Variants in SLC23A1 observed in about 807,000 individuals in gnomAD.
SLC23A1 encodes solute carrier family 23 member 1, also known as Na(+)/L-ascorbic acid transporter 1.
A neutral mutation model predicts 62.5 loss-of-function variants in SLC23A1; 31 were observed. That is an observed-to-expected ratio of 0.50 (90% CI 0.37 to 0.67). The LOEUF is 0.67. Among genes scored for constraint, SLC23A1 ranks in the 30% least tolerant of loss-of-function variants. The pLI is 0.00. For synonymous variants in SLC23A1, 271 were observed against 313.2 expected (o/e 0.87, Z 1.42); for missense variants, 640 against 782.7 (o/e 0.82, Z 2.18).
chr5:139,381,824 C>T (rs1758277056), intron 3 of SLC23A1, 68 bp downstream of exon 3: 2 of 1,339,506 alleles, frequency 1.5e-6, no homozygotes, highest in Non-Finnish European at 2.1e-6. Context: ...TGGGAGCCCA[C>T]CTGCTCCTGC....
At chr5:139,374,542 A>G (rs2152066310) in intron 13 of SLC23A1, among the ~76,000 whole-genome samples, 1 of 152,352 alleles carries the variant, frequency 6.6e-6, no homozygotes, top group South Asian at 2.1e-4. Context: ...GGTTAAGGAC[A>G]GGGTTTTGAG....
chr5:139,381,614 C>CAAAA (rs904456829), intron 3 of SLC23A1, among the ~76,000 whole-genome samples: 8 of 55,712 alleles, frequency 1.4e-4, no homozygotes, highest in African/African-American at 4.6e-4. Context: ...ACTCCGTCTC[C>CAAAA]AAAAAAAAAA....
At chr5:139,376,354 G>C (rs1757946273) in intron 13 of SLC23A1, among the ~76,000 whole-genome samples, 1 of 151,966 alleles carries the variant, frequency 6.6e-6, no homozygotes, top group South Asian at 2.1e-4. Flanking sequence ...ATTTTTAGTA[G>C]AGATGGGGTT....
chr5:139,369,745 A>C (rs979482177), intron 14 of SLC23A1: 1 of 152,460 alleles, frequency 6.6e-6, no homozygotes, highest in African/African-American at 2.4e-5. Context: ...TTGGTGCTGG[A>C]ATGTACTGTA....
chr5:139,379,790 C>CAGGACA lies in SLC23A1; in HGVS notation c.807_812dup (p.Val270_Leu271dup), dbSNP rs1344162004. 6.2e-7 allele frequency: 1 copy of CAGGACA among 1,614,048 alleles called. No individual in the cohort carries two copies. Among genetic ancestry groups the CAGGACA allele is most frequent in the Non-Finnish European group, 8.5e-7 (1 of 1,180,012 alleles). ...CTGTGGGCAGCACGTCTGTCAAGGTCAGGACATAGCAGAGCAGCCACACGG... is the reference window on the plus strand; with the variant it reads ...CTGTGGGCAGCACGTCTGTCAAGGTCAGGACAAGGACATAGCAGAGCAGCCACACGG... On this transcript the variant is annotated inframe_insertion, in exon 8 of 15. Transcript: ENST00000348729. The surrounding 1 kb of genome is among the most constrained non-coding windows in gnomAD (Gnocchi z 4.7).
intron 14 of SLC23A1, chr5:139,368,866 T>C (rs1757471744): frequency 1.7e-6 from 2 of 1,165,682 alleles, no homozygotes; most frequent in Non-Finnish European, 2.6e-6. Context: ...TTAGAAGACT[T>C]AATTGTAAAA....
At chr5:139,384,314 C>T, upstream of SLC23A1, 1 of 1,221,020 alleles carries the variant, frequency 8.2e-7, no homozygotes, top group Non-Finnish European at 1.1e-6. Context: ...CCATTCTGTT[C>T]CCCTCTGGGC....
chr5:139,372,028 G>T lies in SLC23A1; in HGVS notation c.1775C>A (p.Ala592Glu), dbSNP rs1757697334. The T allele has an allele frequency of 1.2e-6, 2 of 1,613,570 alleles. No homozygotes were observed. The highest frequency in any genetic ancestry group is 1.7e-6 in the Non-Finnish European group (2 of 1,179,472). The stretch of plus-strand genomic sequence containing the variant: ...TTTTCAGACCTTGGTGCACACAGAT[G>T]CAGTTTCTGTATTTTCTGGAGTGTC... Reference protein sequence around the residue: ...PEDTPENTETASVCTKV With the variant: ...PEDTPENTETESVCTKV The change falls in exon 14 of 15, where the codon GCA becomes GAA. Residue 592 changes from alanine (A) to glutamate (E), a missense_variant. By Grantham distance (107) the Ala-to-Glu change is moderately radical. Transcript: ENST00000348729.
In SLC23A1 at chr5:139,379,381, G is replaced by C. The variant is rs1200829701; in HGVS notation, c.926-27C>G. ...TGTGCTCGGAGGGAGACAGGATGGT[G>C]GCTACAGTGAGGAGACTGTGATGGT... On this transcript the variant is annotated intron_variant, in intron 8 of 14. Transcript: ENST00000348729. The surrounding 1 kb of genome is among the most constrained non-coding windows in gnomAD (Gnocchi z 4.7). 1.9e-6 allele frequency: 3 copies of C among 1,612,024 alleles called. No individual in the cohort carries two copies. The highest frequency in any genetic ancestry group is 2.5e-6 in the Non-Finnish European group (3 of 1,178,208).
At position 139,378,467 on chromosome 5, in the gene SLC23A1, G is replaced by C. The variant is rs1581368009; in HGVS notation, c.1179+112C>G. On this transcript the variant is annotated intron_variant, in intron 10 of 14. Transcript: ENST00000348729. The surrounding 1 kb of genome is among the most constrained non-coding windows in gnomAD (Gnocchi z 4.5). ...TAAACCGGCTGGGGCTTGATGCGGG[G>C]GCGAGGCCTCTCAAAGACAGGGTGG... The C allele has an allele frequency of 6.9e-7, 1 of 1,448,822 alleles. No homozygotes were observed. The highest frequency in any genetic ancestry group is 2.5e-5 in the East Asian group (1 of 40,342). 89.7% of individuals were successfully genotyped at this position (1,448,822 alleles called of 1,614,324 possible). A position where few individuals can be genotyped will look rare whatever the true frequency, so the allele number is the denominator to read the frequency against.
Position 139,380,078 on chromosome 5 carries a change from T to TG in SLC23A1, c.648-3dup, listed in dbSNP as rs1404621913. 3 of 1,607,248 alleles carry TG rather than the reference T, an allele frequency of 1.9e-6. No individual in the cohort carries two copies. The highest frequency in any genetic ancestry group is 1.7e-5 in the Admixed American group (1 of 58,566). On this transcript the variant is annotated splice_region_variant and splice_polypyrimidine_tract_variant and intron_variant, in intron 6 of 14. Coordinates refer to ENST00000348729, the MANE Select transcript of SLC23A1 (RefSeq NM_005847.5). ...AAGAGGATGATCAGGAGAATGGAGC[T>TG]GGGGGCAGAGGCACAATCAGGAAGT...
chr5:139,382,704 G>A, intron 1 of SLC23A1, 99 bp from the exon 2 acceptor site: 1 of 760,610 alleles, frequency 1.3e-6, no homozygotes, highest in South Asian at 1.5e-5. Context: ...TGGCTTGTCA[G>A]CAACTGAGAG....
rs750940782 is a variant in SLC23A1 at position 139,379,704 on chromosome 5, G to A, written c.899C>T (p.Ala300Val). ...GGGGTAGGGGATGCGGATCCAGGGTGCAATAGCCATGATGTCACCACGGGC... is the reference window on the plus strand; with the variant it reads ...GGGGTAGGGGATGCGGATCCAGGGTACAATAGCCATGATGTCACCACGGGC... ...TDARGDIMAI[A>V]PWIRIPYPCQ... Residue 300 changes from alanine to valine, a missense_variant, in exon 8 of 15, where the codon GCA becomes GTA. Physicochemically the swap from Ala to Val is moderately conservative, Grantham distance 64 (BLOSUM62 0). Coordinates refer to ENST00000348729, the MANE Select transcript of SLC23A1 (RefSeq NM_005847.5). The surrounding 1 kb of genome is among the most constrained non-coding windows in gnomAD (Gnocchi z 4.7). 3.1e-6 allele frequency: 5 copies of A among 1,613,942 alleles called. No individual in the cohort carries two copies. In the South Asian group the frequency reaches 4.4e-5, roughly 14 times the overall value.
chr5:139,379,465 G>T lies in SLC23A1; in HGVS notation c.926-111C>A. The stretch of plus-strand genomic sequence containing the variant: ...GAGCAGATCAGGAGACCTCAGGCTG[G>T]GATGGGAGCTATACAGTTGTGGGAG... On this transcript the variant is annotated intron_variant, in intron 8 of 14. Coordinates refer to ENST00000348729, the MANE Select transcript of SLC23A1 (RefSeq NM_005847.5). This position sits in a 1 kb window ranked among gnomAD's most constrained non-coding sequence, Gnocchi z 4.7. The T allele has an allele frequency of 8.6e-7, 1 of 1,156,262 alleles. No homozygotes were observed. 71.6% of individuals were successfully genotyped at this position (1,156,262 alleles called of 1,614,324 possible). A position where few individuals can be genotyped will look rare whatever the true frequency, so the allele number is the denominator to read the frequency against.
chr5:139,373,996 C>T (rs1757818531), intron 13 of SLC23A1, among the ~76,000 whole-genome samples: 1 of 152,208 alleles, frequency 6.6e-6, no homozygotes, highest in Non-Finnish European at 1.5e-5. Context: ...CTCCAAGCCC[C>T]CTCCTTTTTC....
chr5:139,369,202 T>C (rs925432644), intron 14 of SLC23A1: 11 of 154,986 alleles, frequency 7.1e-5, no homozygotes, highest in African/African-American at 2.6e-4. Context: ...AATTTGATTA[T>C]GTCCCCATCA....
chr5:139,382,609 G>A lies in SLC23A1; in HGVS notation c.37-4C>T. 6.4e-7 allele frequency: 1 copy of A among 1,572,974 alleles called. No individual in the cohort carries two copies. Among genetic ancestry groups the A allele is most frequent in the East Asian group, 2.2e-5 (1 of 44,510 alleles). ...AGGGGTCCCTGGTGGTTTCATGCTGGAGGCAGCAGAGATAAGTAGCTTAGG... is the reference window on the plus strand; with the variant it reads ...AGGGGTCCCTGGTGGTTTCATGCTGAAGGCAGCAGAGATAAGTAGCTTAGG... On this transcript the variant is annotated splice_polypyrimidine_tract_variant and splice_region_variant and intron_variant, in intron 1 of 14. Transcript: ENST00000348729.
chr5:139,371,535 G>A (rs1047058381), intron 14 of SLC23A1, among the ~76,000 whole-genome samples: 2 of 152,338 alleles, frequency 1.3e-5, no homozygotes, highest in South Asian at 4.1e-4. Flanking sequence ...TTAATTTTAT[G>A]ACGTTATTGA....
rs769594099 is a variant in SLC23A1 at position 139,368,825 on chromosome 5, G to T, written c.*20-1194C>A. On this transcript the variant is annotated intron_variant, in intron 14 of 14. Transcript: ENST00000348729. ...TAGACGGGGCCCTCTTTTGGTGGAT[G>T]TAGCACAATTTCCACACTGTGAAGG... 10 of 1,518,796 alleles carry T rather than the reference G, an allele frequency of 6.6e-6. No homozygotes were observed. The Admixed American group carries it at 1.2e-4, about 18-fold the overall frequency. The allele number at this position is 1,518,796 out of a possible 1,614,324, so 94.1% of individuals were successfully genotyped here.
Sources: gnomAD v4.1 joint callset for allele counts (sites outside exome capture counted in the v4.1 genomes callset) on GRCh38, gnomAD v4.1.1 for gene constraint, Gnocchi (gnomAD v3.1) non-coding constraint, MANE v1.5 for transcripts, NCBI Gene and HGNC (gene_info 2026-07-23, HGNC 2026-07-21) for gene names.